PALM: variants seen among roughly 807,000 people sequenced by gnomAD.
PALM encodes paralemmin, also known as paralemmin-1.
In PALM, 18 loss-of-function variants were observed where a neutral mutation model predicts 30.7. The observed-to-expected ratio is 0.59, with a 90% CI of 0.41 to 0.87. The LOEUF is 0.87. PALM is among the 40% of genes least tolerant of loss of function. The pLI, the probability that PALM is intolerant of heterozygous loss-of-function variation, is 0.00. For missense variants in PALM, 529 were observed against 555.4 expected (o/e 0.95, Z 0.48); for synonymous variants, 286 against 242.8 (o/e 1.18, Z -1.66).
At chr19:727,120 A>C (rs2032694240) in intron 3 of PALM, 32 bp downstream of exon 3, 1 of 1,433,240 alleles carries the variant, frequency 7.0e-7, no homozygotes, top group South Asian at 1.2e-5. Context: ...AGGGTCAGGG[A>C]GTGCAGGCGG....
At chr19:737,487 C>T (rs1165680636) in intron 7 of PALM, among the ~76,000 whole-genome samples, 1 of 152,200 alleles carries the variant, frequency 6.6e-6, no homozygotes, top group Non-Finnish European at 1.5e-5. Flanking sequence ...AGGGCCACAA[C>T]CTCTACTACG....
intron 5 of PALM, 75 bp downstream of exon 5, chr19:731,320 C>T: frequency 2.2e-6 from 3 of 1,352,124 alleles, no homozygotes; most frequent in Non-Finnish European, 3.0e-6. Context: ...CCCAGCCCTT[C>T]CATGTCAGCG....
intron 1 of PALM, among the ~76,000 whole-genome samples, chr19:720,367 C>T (rs1216738204): frequency 2.3e-5 from 3 of 130,956 alleles, no homozygotes; most frequent in Non-Finnish European, 5.0e-5. Context: ...GGCGAGGGGG[C>T]GTCCAGGCCC....
At chr19:712,833 G>T (rs1264785941) in intron 1 of PALM, among the ~76,000 whole-genome samples, 2 of 152,052 alleles carry the variant, frequency 1.3e-5, no homozygotes, top group Non-Finnish European at 2.9e-5. Context: ...CTGCCACCAC[G>T]CCCAGCTAAT....
chr19:729,335 G>A (rs1297707939), intron 4 of PALM, among the ~76,000 whole-genome samples: 1 of 151,716 alleles, frequency 6.6e-6, no homozygotes, highest in Non-Finnish European at 1.5e-5. Context: ...AAAAAAGGAA[G>A]GTATGGACAG....
rs577218329 is a variant in PALM, at chr19:735,494, G to T, written c.443-525G>T. ...CTGGGGGCCCAGGTGCCTGTGTCCG[G>T]GTGTCTGGGTGGGATCTGTGTGTCT... On this transcript the variant is annotated intron_variant, in intron 6 of 8. Coordinates refer to ENST00000338448, the MANE Select transcript of PALM (RefSeq NM_002579.3). 6.8e-3 allele frequency among the ~76,000 whole-genome samples: 457 copies of T among 67,466 alleles called. 16 individuals carry two copies. The highest frequency in any genetic ancestry group is 0.031 in the African/African-American group (432 of 13,736). 44.3% of individuals were successfully genotyped at this position (67,466 alleles called of 152,430 possible).
chr19:730,239 G>T (rs938865082), intron 4 of PALM, among the ~76,000 whole-genome samples: 6 of 152,158 alleles, frequency 3.9e-5, no homozygotes, highest in South Asian at 2.1e-4. Flanking sequence ...GGTTGGAGGG[G>T]ACACAAGTCT....
At chr19:740,240 A>G (rs371703179) in intron 7 of PALM, 112 bp from the exon 8 acceptor site, 3 of 1,106,468 alleles carry the variant, frequency 2.7e-6, no homozygotes, top group Admixed American at 5.7e-5. Flanking sequence ...CGCCTGCCCC[A>G]TCGCTGCTTG....
In PALM at chr19:727,613, C is replaced by T. The variant is rs771948185; in HGVS notation, c.188C>T (p.Ala63Val). ...RWLLEGTPSSASEGDEDLRRQ... is the reference protein window; with the variant it reads ...RWLLEGTPSSVSEGDEDLRRQ... ...CTGCTGGAGGGGACGCCGTCCTCGGCCTCAGAGGGGGATGAGGACCTGAGG... is the reference window on the plus strand; with the variant it reads ...CTGCTGGAGGGGACGCCGTCCTCGGTCTCAGAGGGGGATGAGGACCTGAGG... The change falls in exon 4 of 9, where the codon GCC becomes GTC. Residue 63 changes from alanine (A) to valine (V), a missense_variant. Coordinates refer to ENST00000338448, the MANE Select transcript of PALM (RefSeq NM_002579.3). 4 of 1,580,178 alleles carry T rather than the reference C, an allele frequency of 2.5e-6. No homozygotes were observed. In the Admixed American group the frequency reaches 7.4e-5, roughly 29 times the overall value.
chr19:718,905 C>T (rs1262106345), intron 1 of PALM, among the ~76,000 whole-genome samples: 2 of 152,066 alleles, frequency 1.3e-5, no homozygotes, highest in Non-Finnish European at 1.5e-5. Flanking sequence ...GGGGTGCCAG[C>T]GCTCAGGGGA....
rs1427222509 is a variant in PALM at position 740,487 on chromosome 19, C to T, written c.634+4C>T. The T allele has an allele frequency of 4.6e-5, 72 of 1,548,924 alleles. No homozygotes were observed. The highest frequency in any genetic ancestry group is 6.2e-5 in the Non-Finnish European group (71 of 1,145,578). On this transcript the variant is annotated splice_donor_region_variant and intron_variant, in intron 8 of 8. Coordinates refer to ENST00000338448, the MANE Select transcript of PALM (RefSeq NM_002579.3). The stretch of plus-strand genomic sequence containing the variant: ...GTCTACGAGGACGAGACCAAAGGTA[C>T]GAGCACCCCGGCCCCTGCCCTCCCT...
intron 1 of PALM, among the ~76,000 whole-genome samples, chr19:713,973 C>T (rs1169041909): frequency 2.0e-5 from 3 of 150,128 alleles, no homozygotes; most frequent in South Asian, 2.1e-4. Flanking sequence ...GGGGTGATCT[C>T]GGCTCACTGC....
At chr19:727,261 C>CGACCTGACCCCG (rs1381794493) in intron 3 of PALM, among the ~76,000 whole-genome samples, 173 bp downstream of exon 3, 3 of 89,844 alleles carry the variant, frequency 3.3e-5, no homozygotes, top group Non-Finnish European at 7.2e-5. Flanking sequence ...ACCCTGACCC[C>CGACCTGACCCCG]AACCTGACCC....
intron 1 of PALM, chr19:719,130 G>T: frequency 1.0e-6 from 1 of 985,328 alleles, no homozygotes; most frequent in Non-Finnish European, 1.2e-6. Flanking sequence ...CCCGGGCAGG[G>T]ACCCCCTCGT....
At chr19:719,139 G>T (rs971694569) in intron 1 of PALM, 14 of 985,176 alleles carry the variant, frequency 1.4e-5, no homozygotes, top group African/African-American at 3.5e-5. Flanking sequence ...GGACCCCCTC[G>T]TTCTGGCTGG....
chr19:719,111 C>CCG (rs1294339880), intron 1 of PALM: 1 of 985,068 alleles, frequency 1.0e-6, no homozygotes, highest in African/African-American at 1.7e-5. Flanking sequence ...GCGCTGGGCT[C>CCG]GGCGCCTGCC....
chr19:743,782 A>G (rs2033258597), intron 8 of PALM, among the ~76,000 whole-genome samples: 1 of 152,158 alleles, frequency 6.6e-6, no homozygotes, highest in African/African-American at 2.4e-5. Flanking sequence ...GTCCTTGGAG[A>G]GTCCAACACA....
intron 8 of PALM, among the ~76,000 whole-genome samples, chr19:741,050 G>T (rs2033171510): frequency 1.3e-5 from 2 of 152,024 alleles, no homozygotes; most frequent in South Asian, 4.1e-4. Flanking sequence ...GAGATGGGAG[G>T]ATCACTTGGG....
intron 4 of PALM, among the ~76,000 whole-genome samples, chr19:728,151 C>T (rs1418648355): frequency 1.3e-5 from 2 of 152,180 alleles, no homozygotes; most frequent in Non-Finnish European, 2.9e-5. Flanking sequence ...GGATGCAGAG[C>T]AGCTGGGCCC....
Sources: gnomAD v4.1 joint callset for allele counts (sites outside exome capture counted in the v4.1 genomes callset) on GRCh38, gnomAD v4.1.1 for gene constraint, MANE v1.5 for transcripts, NCBI Gene and HGNC (gene_info 2026-07-23, HGNC 2026-07-21) for gene names.